VGLL4: variants seen among roughly 807,000 people sequenced by gnomAD.
VGLL4 encodes the protein transcription cofactor vestigial-like protein 4.
Under a neutral mutation model 21.0 loss-of-function variants are expected in VGLL4, and 7 were observed. The observed-to-expected ratio is 0.33, with a 90% confidence interval of 0.19 to 0.63. VGLL4 has a LOEUF of 0.63. Among genes scored for constraint, VGLL4 ranks in the 20% least tolerant of loss-of-function variants. VGLL4 has a pLI of 0.78. For missense variants in VGLL4, 394 were observed against 425.7 expected (o/e 0.93, Z 0.66); for synonymous variants, 222 against 173.2 (o/e 1.28, Z -2.21).
intron 1 of VGLL4, among the ~76,000 whole-genome samples, chr3:11,717,893 T>C (rs2076940813): frequency 6.6e-6 from 1 of 152,166 alleles, no homozygotes; most frequent in African/African-American, 2.4e-5. Context: ...GAAAATAAGA[T>C]ACAAAGTTTG....
intron 2 of VGLL4, among the ~76,000 whole-genome samples, chr3:11,685,862 C>T (rs961262314): frequency 2.0e-5 from 3 of 152,020 alleles, no homozygotes; most frequent in Non-Finnish European, 2.9e-5. Flanking sequence ...AAAAAAAAAG[C>T]TTTTTTAAAT....
At chr3:11,648,839 C>A (rs2125339545), upstream of VGLL4, among the ~76,000 whole-genome samples, 1 of 152,268 alleles carries the variant, frequency 6.6e-6, no homozygotes, top group Non-Finnish European at 1.5e-5. Flanking sequence ...TTCCAGCTAC[C>A]AATTTAACAA....
upstream of VGLL4, among the ~76,000 whole-genome samples, chr3:11,647,908 C>T (rs566998626): frequency 5.9e-5 from 9 of 152,140 alleles, no homozygotes; most frequent in East Asian, 1.7e-3. Context: ...CTGTCAACAT[C>T]TCTTGGAGAC....
rs1019627387 is a variant in VGLL4 at position 11,719,400 on chromosome 3, G to C, written c.-14+994C>G. On this transcript the variant is annotated intron_variant, in intron 1 of 5. Transcript: ENST00000273038. The surrounding 1 kb of genome is among the most constrained non-coding windows in gnomAD (Gnocchi z 4.0). ...CAGCCCGGGTCCCGCCCCGCCGACC[G>C]GGTCAACCGCACTCACCGCCCGGCG... 3 of 152,002 alleles carry C rather than the reference G, an allele frequency of 2.0e-5. No homozygotes were observed. Among genetic ancestry groups the C allele is most frequent in the Non-Finnish European group, 4.4e-5 (3 of 68,022 alleles). 9.4% of individuals were successfully genotyped at this position (152,002 alleles called of 1,614,324 possible).
intron 1 of VGLL4, among the ~76,000 whole-genome samples, chr3:11,629,677 G>C (rs769556910): frequency 6.6e-6 from 1 of 151,212 alleles, no homozygotes; most frequent in African/African-American, 2.4e-5. Flanking sequence ...AACCCGGGAG[G>C]CAGAGGCGGA....
At chr3:11,659,227 G>A (rs2075999052) in intron 2 of VGLL4, among the ~76,000 whole-genome samples, 1 of 151,522 alleles carries the variant, frequency 6.6e-6, no homozygotes, top group Non-Finnish European at 1.5e-5. Context: ...GTATATCACA[G>A]AGGGCAGAAC....
chr3:11,631,446 A>G (rs779747407), intron 1 of VGLL4, among the ~76,000 whole-genome samples: 1 of 152,228 alleles, frequency 6.6e-6, no homozygotes, highest in Non-Finnish European at 1.5e-5. Flanking sequence ...TGTCCTTATC[A>G]GCAGATAAGG....
At chr3:11,715,472 C>A (rs1487737738) in intron 1 of VGLL4, among the ~76,000 whole-genome samples, 1 of 151,990 alleles carries the variant, frequency 6.6e-6, no homozygotes, top group Non-Finnish European at 1.5e-5. Context: ...TAGTTGGGAT[C>A]ACAGGTGCCC....
At chr3:11,668,521 T>C (rs985199442) in intron 2 of VGLL4, among the ~76,000 whole-genome samples, 2 of 152,162 alleles carry the variant, frequency 1.3e-5, no homozygotes, top group African/African-American at 4.8e-5. Context: ...GGAATCTTAA[T>C]TTAACAAGAT....
chr3:11,584,727 G>A (rs1049961902), intron 2 of VGLL4, among the ~76,000 whole-genome samples: 1 of 151,988 alleles, frequency 6.6e-6, no homozygotes, highest in Non-Finnish European at 1.5e-5. Flanking sequence ...GGAAAAAGGG[G>A]CAACTTACTG....
At chr3:11,573,316 G>GAAGGAAGGAAGAAAGA (rs2073910741) in intron 2 of VGLL4, among the ~76,000 whole-genome samples, 1 of 20,754 alleles carries the variant, frequency 4.8e-5, no homozygotes. Flanking sequence ...AGGAAGGAAG[G>GAAGGAAGGAAGAAAGA]AAGAAAGAAA....
chr3:11,641,198 T>TA (rs1340963284), intron 1 of VGLL4, among the ~76,000 whole-genome samples: 2 of 151,258 alleles, frequency 1.3e-5, no homozygotes, highest in African/African-American at 4.9e-5. Context: ...AGGAATATGG[T>TA]ATAATTTAGC....
chr3:11,582,439 G>A lies in VGLL4; in HGVS notation c.273-17420C>T, dbSNP rs569623302. 232 of 1,443,934 alleles carry A rather than the reference G, an allele frequency of 1.6e-4. 2 individuals carry two copies. In the South Asian group the frequency reaches 2.6e-3, roughly 16 times the overall value. The allele number at this position is 1,443,934 out of a possible 1,614,324, so 89.4% of individuals were successfully genotyped here. On this transcript the variant is annotated intron_variant, in intron 2 of 4. Coordinates refer to ENST00000430365, the MANE Select transcript of VGLL4 (RefSeq NM_001128219.3). Reference sequence around the variant, plus strand: ...AAGTCCTCCCTGAAAGGAGGGTTGCGAGGTAAGGGGCCTGCTTGCCCCCTG... The same window carrying A: ...AAGTCCTCCCTGAAAGGAGGGTTGCAAGGTAAGGGGCCTGCTTGCCCCCTG...
At chr3:11,689,063 G>A (rs913251991) in intron 2 of VGLL4, among the ~76,000 whole-genome samples, 37 of 151,686 alleles carry the variant, frequency 2.4e-4, no homozygotes, top group African/African-American at 8.7e-4. Context: ...TTCTTTTGGA[G>A]GGATTGAGGA....
Position 11,565,942 on chromosome 3 carries a change from C to T in VGLL4, c.273-923G>A, listed in dbSNP as rs748864202. Among the ~76,000 whole-genome samples, 2 of 152,190 alleles carry T rather than the reference C, an allele frequency of 1.3e-5. No homozygotes were observed. Among genetic ancestry groups the T allele is most frequent in the Non-Finnish European group, 2.9e-5 (2 of 68,044 alleles). ...TGCCCCTTCAATCCACCATATTATC[C>T]GCTGACAGAGTAACCTTTTTCCGTA... On this transcript the variant is annotated intron_variant, in intron 2 of 4. Coordinates refer to ENST00000430365, the MANE Select transcript of VGLL4 (RefSeq NM_001128219.3). The surrounding 1 kb of genome is among the most constrained non-coding windows in gnomAD (Gnocchi z 4.1).
intron 2 of VGLL4, among the ~76,000 whole-genome samples, chr3:11,573,337 A>G (rs1198258650): frequency 0.015 from 1,284 of 83,824 alleles, 64 homozygotes; most frequent in Admixed American, 0.026. Context: ...GAAAGAAAGA[A>G]AGAAAGAAAG....
chr3:11,644,395 T>C (rs182748059), upstream of VGLL4, among the ~76,000 whole-genome samples: 32 of 152,316 alleles, frequency 2.1e-4, no homozygotes, highest in Admixed American at 8.5e-4. Flanking sequence ...ATATAGCTTC[T>C]TCCATAATCC....
chr3:11,584,501 G>C (rs1275181699), intron 2 of VGLL4, among the ~76,000 whole-genome samples: 2 of 152,124 alleles, frequency 1.3e-5, no homozygotes, highest in African/African-American at 4.8e-5. Flanking sequence ...AAACCATATA[G>C]AGTGAAGCTG....
At chr3:11,659,339 T>C (rs1172107961) in intron 2 of VGLL4, among the ~76,000 whole-genome samples, 1 of 144,110 alleles carries the variant, frequency 6.9e-6, no homozygotes, top group Non-Finnish European at 1.5e-5. Context: ...TTTTTTTTTT[T>C]TTTTTTTTTG....
Sources: allele counts gnomAD v4.1 joint callset (sites outside exome capture counted in the v4.1 genomes callset), GRCh38; gene constraint gnomAD v4.1.1; non-coding constraint Gnocchi (gnomAD v3.1); transcripts MANE v1.5; gene names NCBI Gene and HGNC (gene_info 2026-07-23, HGNC 2026-07-21).